Variants in CATSPERE observed in about 807,000 individuals in gnomAD.
The protein encoded by CATSPERE is catsper channel auxiliary subunit epsilon, also known as cation channel sperm-associated auxiliary subunit epsilon.
CATSPERE carries 93 observed loss-of-function variants against 114.1 expected under a neutral mutation model. The ratio of observed to expected loss-of-function variants is 0.81; its 90% confidence interval spans 0.69 to 0.97. The LOEUF is 0.97. Ranked by LOEUF, CATSPERE falls within the 50% of genes least tolerant of loss-of-function variation. The pLI, the probability that CATSPERE is intolerant of heterozygous loss-of-function variation, is 0.00. For synonymous variants in CATSPERE, 341 were observed against 384.1 expected, an observed-to-expected ratio of 0.89 and a Z score of 1.31; for missense variants, 1,058 against 1,131.6, an observed-to-expected ratio of 0.93 and a Z score of 0.93.
chr1:244,497,529 GCTCATGCCTGTAATC>G (rs1673297227), intron 6 of CATSPERE, among the ~76,000 whole-genome samples: 1 of 152,196 alleles, frequency 6.6e-6, no homozygotes, highest in South Asian at 2.1e-4. Flanking sequence ...GGATATGCTG[GCTCATGCCTGTAATC>G]CCAGCACTTT....
At chr1:244,476,966 C>A (rs1303063259) in intron 2 of CATSPERE, among the ~76,000 whole-genome samples, 1 of 152,060 alleles carries the variant, frequency 6.6e-6, no homozygotes, top group African/African-American at 2.4e-5. Context: ...GAGTGTCAGT[C>A]CCTTCTTAGA....
Position 244,479,786 on chromosome 1 carries a change from TA to T in CATSPERE, c.326+4del. 6.5e-7 allele frequency: 1 copy of T among 1,549,630 alleles called. No homozygotes were observed. The highest frequency in any genetic ancestry group is 8.9e-7 in the Non-Finnish European group (1 of 1,128,436). ...CTTTCTGTGGTACTATAGAGTTAGG[TA>T]AGTAATGCAGTACTGAATAGGTAAT... On this transcript the variant is annotated splice_donor_region_variant and intron_variant, in intron 5 of 21. Transcript: ENST00000366534.
At chr1:244,604,208 G>A (rs1340293130) in intron 17 of CATSPERE, among the ~76,000 whole-genome samples, 2 of 152,162 alleles carry the variant, frequency 1.3e-5, no homozygotes, top group Non-Finnish European at 2.9e-5. Flanking sequence ...ATACTCTGTG[G>A]CCTTCCTCCC....
chr1:244,591,640 A>T, intron 14 of CATSPERE, 41 bp from the exon 15 acceptor site: 1 of 1,221,934 alleles, frequency 8.2e-7, no homozygotes. Flanking sequence ...CAAATATTTA[A>T]GAAATGATAT....
At chr1:244,636,587 A>G (rs924828196) in intron 21 of CATSPERE, 2 of 152,442 alleles carry the variant, frequency 1.3e-5, no homozygotes, top group African/African-American at 4.8e-5. Flanking sequence ...ATATTAAGGT[A>G]TATACCCACC....
In CATSPERE at chr1:244,518,629, G is replaced by T; in HGVS notation, c.467G>T (p.Gly156Val). 6.2e-7 allele frequency: 1 copy of T among 1,601,814 alleles called. No homozygotes were observed. The highest frequency in any genetic ancestry group is 8.5e-7 in the Non-Finnish European group (1 of 1,171,212). ...CTCAGCACACAGATGGCCACATTGG[G>T]ACAGAAGCCTGTCATACATACAGTT... ...IVLSTQMATL[G>V]QKPVIHTVLK... is the part of the protein sequence containing the mutation. Residue 156 changes from glycine (G) to valine (V), a missense_variant, in exon 8 of 22, where the codon GGA becomes GTA. Physicochemically the swap from Gly to Val is moderately radical, Grantham distance 109. This residue lies in a region of CATSPERE where 271 missense variants were observed against 225.9 expected (regional missense o/e 1.20). Coordinates refer to ENST00000366534, the MANE Select transcript of CATSPERE (RefSeq NM_001130957.2).
intron 20 of CATSPERE, among the ~76,000 whole-genome samples, chr1:244,619,940 T>C (rs1671880883): frequency 6.6e-6 from 1 of 152,178 alleles, no homozygotes; most frequent in African/African-American, 2.4e-5. Flanking sequence ...ATTAGGAGAC[T>C]TTAATATATC....
intron 6 of CATSPERE, among the ~76,000 whole-genome samples, chr1:244,494,738 C>T (rs1179178259): frequency 1.3e-5 from 2 of 151,936 alleles, no homozygotes; most frequent in Non-Finnish European, 2.9e-5. Flanking sequence ...TTGGAAATTA[C>T]ACCTCTATAT....
chr1:244,620,146 G>C (rs1422051131), intron 20 of CATSPERE, among the ~76,000 whole-genome samples: 1 of 152,146 alleles, frequency 6.6e-6, no homozygotes, highest in African/African-American at 2.4e-5. Context: ...CTCGTAAAAG[G>C]TGTCATGCTA....
rs371392075 is a variant in CATSPERE at position 244,619,622 on chromosome 1, CAAGT to C, written c.2648+1940_2648+1943del. Among the ~76,000 whole-genome samples the C allele has an allele frequency of 7.2e-5, 11 of 152,262 alleles. 1 individual carries two copies. The South Asian group carries it at 1.9e-3, about 26-fold the overall frequency. ...CCATGGGGACAAGAATACTTCCCCA[CAAGT>C]AAGAGGGGGCTTCGGAAAACCACTC... On this transcript the variant is annotated intron_variant, in intron 20 of 21. Transcript: ENST00000366534.
At position 244,621,325 on chromosome 1, in the gene CATSPERE, T is replaced by TATAAA. The variant is rs1558611664; in HGVS notation, c.2648+3642_2648+3643insAAATA. On this transcript the variant is annotated intron_variant, in intron 20 of 21. Coordinates refer to ENST00000366534, the MANE Select transcript of CATSPERE (RefSeq NM_001130957.2). ...TATATAAATATATAAAATATATATA[T>TATAAA]ATATATATATATATATATATTCCCT... Among the ~76,000 whole-genome samples, 69 of 11,738 alleles carry TATAAA rather than the reference T, an allele frequency of 5.9e-3. 3 individuals carry two copies. The highest frequency in any genetic ancestry group is 0.047 in the East Asian group (32 of 674). The allele number at this position is 11,738 out of a possible 152,430, so 7.7% of individuals were successfully genotyped here.
chr1:244,493,226 A>G lies in CATSPERE; in HGVS notation c.351+2755A>G, dbSNP rs556450209. Among the ~76,000 whole-genome samples, 121 of 152,374 alleles carry G rather than the reference A, an allele frequency of 7.9e-4. 1 individual carries two copies. The highest frequency in any genetic ancestry group is 2.8e-3 in the African/African-American group (117 of 41,586). Reference sequence around the variant, plus strand: ...ACTACAAGGCTACAGTAACCAAAACAGCATGGTACTGGTACCAAAACAGAG... The same window carrying G: ...ACTACAAGGCTACAGTAACCAAAACGGCATGGTACTGGTACCAAAACAGAG... On this transcript the variant is annotated intron_variant, in intron 6 of 21. Coordinates refer to ENST00000366534, the MANE Select transcript of CATSPERE (RefSeq NM_001130957.2).
At chr1:244,554,635 T>A (rs560278911) in intron 9 of CATSPERE, among the ~76,000 whole-genome samples, 5 of 152,332 alleles carry the variant, frequency 3.3e-5, no homozygotes, top group African/African-American at 4.8e-5. Context: ...GTTAGTGATG[T>A]TAACTGTTTT....
intron 10 of CATSPERE, among the ~76,000 whole-genome samples, chr1:244,566,650 T>C (rs1313167454): frequency 1.7e-5 from 2 of 119,404 alleles, no homozygotes; most frequent in Non-Finnish European, 3.4e-5. Flanking sequence ...TTGCAACCCC[T>C]GCTTTTTTTT....
chr1:244,538,780 C>A (rs896113056), intron 8 of CATSPERE, among the ~76,000 whole-genome samples: 2 of 152,136 alleles, frequency 1.3e-5, no homozygotes, highest in Non-Finnish European at 2.9e-5. Context: ...GAGGCTTAGT[C>A]GTGTCTCACC....
In CATSPERE at chr1:244,633,169, G is replaced by A. The variant is rs1259762407; in HGVS notation, c.2649-2320G>A. Among the ~76,000 whole-genome samples, 1 of 152,186 alleles carries A rather than the reference G, an allele frequency of 6.6e-6. No homozygotes were observed. The highest frequency in any genetic ancestry group is 6.5e-5 in the Admixed American group (1 of 15,282). On this transcript the variant is annotated intron_variant, in intron 20 of 21. Coordinates refer to ENST00000366534, the MANE Select transcript of CATSPERE (RefSeq NM_001130957.2). This position sits in a 1 kb window ranked among gnomAD's most constrained non-coding sequence, Gnocchi z 4.1. ...AGAAACAGACAAACCCCTAATTGCA[G>A]TTGGAGATTTCAACATTCCTTTCTC...
Position 244,504,602 on chromosome 1 carries a change from T to A in CATSPERE, c.429+5523T>A, listed in dbSNP as rs1171564280. ...GTTTCTAGACTTTCATGGCTTTTGATGCCCTTGGAAATGTTGAGGATTGCT... is the reference window on the plus strand; with the variant it reads ...GTTTCTAGACTTTCATGGCTTTTGAAGCCCTTGGAAATGTTGAGGATTGCT... On this transcript the variant is annotated intron_variant, in intron 7 of 21. Transcript: ENST00000366534. The surrounding 1 kb of genome is among the most constrained non-coding windows in gnomAD (Gnocchi z 4.1). Among the ~76,000 whole-genome samples the A allele has an allele frequency of 6.6e-6, 1 of 152,246 alleles. No individual in the cohort carries two copies. The highest frequency in any genetic ancestry group is 1.5e-5 in the Non-Finnish European group (1 of 68,044).
chr1:244,457,570 G>T (rs1391120247), upstream of CATSPERE: 4 of 152,132 alleles, frequency 2.6e-5, no homozygotes, highest in Admixed American at 6.5e-5. Context: ...CTTTGGAAAG[G>T]TAAGTCATCT....
intron 10 of CATSPERE, among the ~76,000 whole-genome samples, chr1:244,569,043 G>GGTTCCTCATGGAGGAACCAGACT (rs546665927): frequency 6.6e-6 from 1 of 152,132 alleles, no homozygotes; most frequent in African/African-American, 2.4e-5. Flanking sequence ...AAAGACCGTG[G>GGTTCCTCATGGAGGAACCAGACT]GTTCCTCATG....
Sources: gnomAD v4.1 joint callset for allele counts (sites outside exome capture counted in the v4.1 genomes callset) on GRCh38, gnomAD v4.1.1 for gene constraint, gnomAD v4.1.1 regional missense constraint, Gnocchi (gnomAD v3.1) non-coding constraint, MANE v1.5 for transcripts, NCBI Gene and HGNC (gene_info 2026-07-23, HGNC 2026-07-21) for gene names.